The following PLEKHD1 variants were observed in gnomAD, a reference collection of about 807,000 sequenced individuals.
PLEKHD1 encodes the protein pleckstrin homology domain-containing family D member 1.
In PLEKHD1, 51 loss-of-function variants were observed where a neutral mutation model predicts 69.2. That is an observed-to-expected ratio of 0.74 (90% CI 0.59 to 0.93). PLEKHD1 has a LOEUF of 0.93. Among genes scored for constraint, PLEKHD1 ranks in the 40% least tolerant of loss-of-function variants. The pLI, the probability that PLEKHD1 is intolerant of heterozygous loss-of-function variation, is 0.00. For synonymous variants in PLEKHD1, 236 were observed against 244.7 expected, an observed-to-expected ratio of 0.96 and a Z score of 0.33; for missense variants, 584 against 641.0, an observed-to-expected ratio of 0.91 and a Z score of 0.96.
upstream of PLEKHD1, among the ~76,000 whole-genome samples, chr14:69,481,313 CCT>C (rs771347941): frequency 2.0e-5 from 3 of 152,088 alleles, no homozygotes; most frequent in Non-Finnish European, 4.4e-5. Context: ...AGAGTGATAC[CCT>C]GTCTCTAACA....
chr14:69,515,467 A>C (rs1277987308), intron 6 of PLEKHD1, among the ~76,000 whole-genome samples: 2 of 151,800 alleles, frequency 1.3e-5, no homozygotes, highest in African/African-American at 4.8e-5. Context: ...CATTAATGTG[A>C]CTCTCTGTAT....
Position 69,484,905 on chromosome 14 carries a change from CGAGT to C in PLEKHD1, c.-60_-57del, listed in dbSNP as rs1302421615. 6.5e-7 allele frequency: 1 copy of C among 1,526,930 alleles called. No homozygotes were observed. The highest frequency in any genetic ancestry group is 8.8e-7 in the Non-Finnish European group (1 of 1,131,938). 94.6% of individuals were successfully genotyped at this position (1,526,930 alleles called of 1,614,324 possible). ...ACGGCTCCGCCCTCGCCTCTCGCCC[CGAGT>C]CCCTGCTGACCCCGGGGAGGTGGGG... On this transcript the variant is annotated 5_prime_UTR_variant, in exon 1 of 13. The change creates a premature stop within an existing upstream ORF in the 5' untranslated region. Coordinates refer to ENST00000322564, the MANE Select transcript of PLEKHD1 (RefSeq NM_001161498.2).
chr14:69,491,531 T>C (rs893700578), intron 1 of PLEKHD1, among the ~76,000 whole-genome samples: 6 of 152,180 alleles, frequency 3.9e-5, no homozygotes, highest in African/African-American at 1.4e-4. Context: ...GCAAAGCCCT[T>C]TCTAGCTCCT....
At chr14:69,482,559 C>A (rs570283369), upstream of PLEKHD1, among the ~76,000 whole-genome samples, 4 of 152,330 alleles carry the variant, frequency 2.6e-5, no homozygotes, top group East Asian at 7.7e-4. Context: ...CCCACCTCCC[C>A]ATGACTGCTG....
intron 5 of PLEKHD1, 119 bp from the exon 6 acceptor site, chr14:69,502,708 G>T (rs1883057099): frequency 3.8e-6 from 5 of 1,314,716 alleles, no homozygotes; most frequent in Non-Finnish European, 5.3e-6. Context: ...AGGGCTGCAG[G>T]CCCCTTCCTT....
the PLEKHD1 span, among the ~76,000 whole-genome samples, chr14:69,469,409 C>CTT: frequency 1.0e-4 from 15 of 146,120 alleles, no homozygotes; most frequent in African/African-American, 2.2e-4. Context: ...AGTTGTTTCT[C>CTT]TTTTTTTTTT....
chr14:69,476,937 A>C, the PLEKHD1 span, among the ~76,000 whole-genome samples: 11 of 152,218 alleles, frequency 7.2e-5, no homozygotes, highest in African/African-American at 2.2e-4. Context: ...GGTGAAAGGC[A>C]TGTCTCATAT....
At chr14:69,468,349 C>T in the PLEKHD1 span, among the ~76,000 whole-genome samples, 8 of 152,132 alleles carry the variant, frequency 5.3e-5, no homozygotes, top group Non-Finnish European at 1.2e-4. Flanking sequence ...GCAGATACTC[C>T]TTTCGAAAAT....
chr14:69,491,264 G>T (rs1882771308), intron 1 of PLEKHD1, among the ~76,000 whole-genome samples: 1 of 152,198 alleles, frequency 6.6e-6, no homozygotes, highest in South Asian at 2.1e-4. Flanking sequence ...GAGTCTAGCA[G>T]CCTATCCTGA....
the PLEKHD1 span, among the ~76,000 whole-genome samples, chr14:69,471,099 T>C: frequency 9.7e-6 from 1 of 103,226 alleles, no homozygotes; most frequent in African/African-American, 4.6e-5. Flanking sequence ...CCTTTTTTTT[T>C]TTTTTTTTTT....
chr14:69,485,257 C>T, intron 1 of PLEKHD1, 143 bp downstream of exon 1: 2 of 1,069,370 alleles, frequency 1.9e-6, no homozygotes, highest in East Asian at 2.6e-5. Context: ...CACTGGCTCC[C>T]GCAGGAAAAT....
chr14:69,519,609 A>C (rs1883462966), intron 6 of PLEKHD1, among the ~76,000 whole-genome samples: 1 of 152,178 alleles, frequency 6.6e-6, no homozygotes, highest in Non-Finnish European at 1.5e-5. Context: ...GATCACATTC[A>C]CTTTCTTCTT....
chr14:69,485,185 C>T (rs1882628522), intron 1 of PLEKHD1, 71 bp downstream of exon 1: 1 of 1,477,146 alleles, frequency 6.8e-7, no homozygotes, highest in East Asian at 2.5e-5. Context: ...CTCCCACCCC[C>T]TCCAGTCGCC....
intron 6 of PLEKHD1, among the ~76,000 whole-genome samples, chr14:69,508,700 C>T (rs1228154440): frequency 6.6e-6 from 1 of 152,192 alleles, no homozygotes; most frequent in South Asian, 2.1e-4. Context: ...TCTGGGGCAC[C>T]TCACGGACAA....
intron 5 of PLEKHD1, 46 bp from the exon 6 acceptor site, chr14:69,502,781 T>C: frequency 6.4e-7 from 1 of 1,550,438 alleles, no homozygotes; most frequent in Non-Finnish European, 8.7e-7. Context: ...CTCAGAGCAC[T>C]TTCCTGATTG....
In PLEKHD1 at chr14:69,529,971, GCC is replaced by G. The variant is rs1272680681; in HGVS notation, c.*1553_*1554del. 6.6e-6 allele frequency: 1 copy of G among 152,288 alleles called. No individual in the cohort carries two copies. The highest frequency in any genetic ancestry group is 6.5e-5 in the Admixed American group (1 of 15,280). The allele number at this position is 152,288 out of a possible 1,614,324, so 9.4% of individuals were successfully genotyped here. A position where few individuals can be genotyped will look rare whatever the true frequency, so the allele number is the denominator to read the frequency against. ...CCTCCAAAGCTACCTGAGGCTATTG[GCC>G]TCCAGAAAAGGGGTCCACCTGGGAT... On this transcript the variant is annotated 3_prime_UTR_variant, in exon 13 of 13. Coordinates refer to ENST00000322564, the MANE Select transcript of PLEKHD1 (RefSeq NM_001161498.2).
At chr14:69,489,477 C>T (rs1403503408) in intron 1 of PLEKHD1, among the ~76,000 whole-genome samples, 8 of 133,050 alleles carry the variant, frequency 6.0e-5, no homozygotes, top group African/African-American at 8.5e-5. Context: ...GAGAATCGCT[C>T]GAACCTAGGA....
intron 11 of PLEKHD1, 88 bp downstream of exon 11, chr14:69,527,420 AG>A: frequency 6.6e-7 from 1 of 1,509,378 alleles, no homozygotes; most frequent in Non-Finnish European, 9.0e-7. Context: ...AAACCCACAC[AG>A]GGTCTGCTAG....
At position 69,502,897 on chromosome 14, in the gene PLEKHD1, G is replaced by A. The variant is rs1003443117; in HGVS notation, c.555+18G>A. On this transcript the variant is annotated intron_variant, in intron 6 of 12. Coordinates refer to ENST00000322564, the MANE Select transcript of PLEKHD1 (RefSeq NM_001161498.2). ...AGAGAGAGGTAGGTGCACACCAAGGGGCTCTCAGCAGCCGTGGTGTAATGG... is the reference window on the plus strand; with the variant it reads ...AGAGAGAGGTAGGTGCACACCAAGGAGCTCTCAGCAGCCGTGGTGTAATGG... 2.6e-6 allele frequency: 4 copies of A among 1,551,448 alleles called. No homozygotes were observed. In the African/African-American group the frequency reaches 5.5e-5, roughly 21 times the overall value.
Sources: gnomAD v4.1 joint callset for allele counts (sites outside exome capture counted in the v4.1 genomes callset) on GRCh38, gnomAD v4.1.1 for gene constraint, MANE v1.5 for transcripts, NCBI Gene and HGNC (gene_info 2026-07-23, HGNC 2026-07-21) for gene names.